The following TRAPPC12 variants were observed in gnomAD, a reference collection of about 807,000 sequenced individuals.
The protein encoded by TRAPPC12 is TPR repeat protein 15.
A neutral mutation model predicts 69.2 loss-of-function variants in TRAPPC12; 61 were observed. The observed-to-expected ratio is 0.88, with a 90% CI of 0.72 to 1.09. TRAPPC12 has a LOEUF of 1.09. Ranked by LOEUF, TRAPPC12 falls within the 50% of genes least tolerant of loss-of-function variation. The pLI is 0.00. For missense variants in TRAPPC12, 1,101 were observed against 1,016.4 expected (o/e 1.08, Z -1.13); for synonymous variants, 469 against 438.9 (o/e 1.07, Z -0.86).
At chr2:3,394,592 G>A (rs892743737) in intron 2 of TRAPPC12, among the ~76,000 whole-genome samples, 21 of 151,644 alleles carry the variant, frequency 1.4e-4, no homozygotes, top group African/African-American at 5.1e-4. Flanking sequence ...TTGCATTCCA[G>A]CCTGCGCAAC....
At position 3,478,910 on chromosome 2, in the gene TRAPPC12, A is replaced by C; in HGVS notation, c.1942A>C (p.Arg648=). 1 of 1,614,188 alleles carries C rather than the reference A, an allele frequency of 6.2e-7. No homozygotes were observed. The highest frequency in any genetic ancestry group is 8.5e-7 in the Non-Finnish European group (1 of 1,180,036). ...EAHRFFTEIL[R]MDPRNAVANN... ...CCACAGGTTCTTCACAGAGATCTTAAGGATGGATCCAAGAAACGCAGTGGT... is the reference window on the plus strand; with the variant it reads ...CCACAGGTTCTTCACAGAGATCTTACGGATGGATCCAAGAAACGCAGTGGT... Residue 648 remains arginine (R), a synonymous_variant, in exon 11 of 12, where the codon AGG becomes CGG. Coordinates refer to ENST00000324266, the MANE Select transcript of TRAPPC12 (RefSeq NM_016030.6).
intron 10 of TRAPPC12, 195 bp downstream of exon 10, chr2:3,477,990 A>G: frequency 4.5e-6 from 2 of 444,472 alleles, no homozygotes; most frequent in Non-Finnish European, 4.1e-6. Context: ...TAGTCACAGA[A>G]GCTGATTTTT....
chr2:3,473,594 C>G (rs1666162202), intron 9 of TRAPPC12, among the ~76,000 whole-genome samples: 1 of 152,174 alleles, frequency 6.6e-6, no homozygotes. Flanking sequence ...ATCCTCCCGC[C>G]TCAGCCTCCC....
intron 9 of TRAPPC12, among the ~76,000 whole-genome samples, chr2:3,468,160 G>T (rs1028107368): frequency 6.6e-6 from 1 of 152,018 alleles, no homozygotes; most frequent in African/African-American, 2.4e-5. Flanking sequence ...TTGACCTCTC[G>T]TGGGCTGTTC....
chr2:3,474,071 G>A (rs891610743), intron 9 of TRAPPC12, among the ~76,000 whole-genome samples: 5 of 152,176 alleles, frequency 3.3e-5, no homozygotes, highest in African/African-American at 1.2e-4. Flanking sequence ...TGGCTTCCGT[G>A]CCACCAAGGT....
intron 9 of TRAPPC12, among the ~76,000 whole-genome samples, chr2:3,475,259 A>ACGGC (rs1666245102): frequency 2.1e-5 from 3 of 142,828 alleles, no homozygotes; most frequent in East Asian, 2.3e-4. Context: ...CCTGGTGCTT[A>ACGGC]CAGCCACACC....
At chr2:3,460,436 G>A (rs752981452) in intron 8 of TRAPPC12, 100 bp downstream of exon 8, 20 of 730,544 alleles carry the variant, frequency 2.7e-5, no homozygotes, top group South Asian at 5.0e-5. Context: ...GGCAGGGACC[G>A]GCCGTGCAGA....
intron 3 of TRAPPC12, among the ~76,000 whole-genome samples, chr2:3,416,989 C>T (rs565088536): frequency 6.6e-5 from 10 of 151,522 alleles, no homozygotes; most frequent in South Asian, 2.1e-4. Context: ...TACCTGCTCC[C>T]GCTCCTCTCA....
chr2:3,387,673 A>T lies in TRAPPC12; in HGVS notation c.50A>T (p.His17Leu). Reference sequence around the variant, plus strand: ...GAGACCCCGGCCCCGGAGGCCCCGCACCCCCCTCAGCTCGCGCCTCCGGAG... The same window carrying T: ...GAGACCCCGGCCCCGGAGGCCCCGCTCCCCCCTCAGCTCGCGCCTCCGGAG... Reference protein sequence around the residue: ...GEETPAPEAPHPPQLAPPEEQ... With the variant: ...GEETPAPEAPLPPQLAPPEEQ... The change falls in exon 2 of 12, where the codon CAC (histidine) becomes CTC (leucine). Residue 17 changes from histidine to leucine, a missense_variant. Coordinates refer to ENST00000324266, the MANE Select transcript of TRAPPC12 (RefSeq NM_016030.6). 1 of 1,555,856 alleles carries T rather than the reference A, an allele frequency of 6.4e-7. No homozygotes were observed. Among genetic ancestry groups the T allele is most frequent in the Non-Finnish European group, 8.7e-7 (1 of 1,149,836 alleles).
chr2:3,425,383 G>A (rs990766457), intron 5 of TRAPPC12, among the ~76,000 whole-genome samples: 2 of 152,170 alleles, frequency 1.3e-5, no homozygotes, highest in Non-Finnish European at 2.9e-5. Context: ...GAAAGCCCAC[G>A]CCCTGTTGTC....
At chr2:3,401,439 C>CTGCT (rs750452436) in intron 2 of TRAPPC12, among the ~76,000 whole-genome samples, 2 of 152,232 alleles carry the variant, frequency 1.3e-5, no homozygotes, top group Non-Finnish European at 2.9e-5. Flanking sequence ...TGAGGCCTCT[C>CTGCT]TGCTGGCTTG....
intron 4 of TRAPPC12, among the ~76,000 whole-genome samples, 162 bp from the exon 5 acceptor site, chr2:3,424,363 T>C (rs1662978564): frequency 1.3e-5 from 2 of 152,220 alleles, no homozygotes; most frequent in South Asian, 2.1e-4. Flanking sequence ...TCAAGAGTAA[T>C]TTTTTAAATA....
chr2:3,395,505 G>A (rs1661077648), intron 2 of TRAPPC12, among the ~76,000 whole-genome samples: 1 of 150,016 alleles, frequency 6.7e-6, no homozygotes, highest in African/African-American at 2.5e-5. Flanking sequence ...TAATTTTGGG[G>A]TGCAGGTATA....
intron 3 of TRAPPC12, among the ~76,000 whole-genome samples, chr2:3,402,190 C>T (rs1661480662): frequency 6.6e-6 from 1 of 152,142 alleles, no homozygotes; most frequent in Non-Finnish European, 1.5e-5. Context: ...GATTTGTGTT[C>T]ATTTTTTAAA....
intron 5 of TRAPPC12, among the ~76,000 whole-genome samples, chr2:3,427,708 T>G (rs982730482): frequency 7.9e-5 from 12 of 152,122 alleles, no homozygotes; most frequent in African/African-American, 2.7e-4. Context: ...CTGGCCAACA[T>G]GGCAAAACCC....
intron 9 of TRAPPC12, chr2:3,472,402 G>C (rs924759223): frequency 9.9e-5 from 15 of 152,238 alleles, no homozygotes; most frequent in Non-Finnish European, 2.2e-4. Flanking sequence ...AAGACATGCA[G>C]GTTCCTGTAC....
intron 1 of TRAPPC12, among the ~76,000 whole-genome samples, chr2:3,383,871 GTTTTTTTTTTTTTTTTTTTTTTTTTT>G (rs34956958): frequency 9.3e-5 from 8 of 85,592 alleles, no homozygotes; most frequent in Admixed American, 3.0e-4. Context: ...GTTCAGTCTT[GTTTTTTTTTTTTTTTTTTTTTTTTTT>G]TTTTTTTTTT....
At chr2:3,427,595 A>C (rs1180222213) in intron 5 of TRAPPC12, among the ~76,000 whole-genome samples, 3 of 152,354 alleles carry the variant, frequency 2.0e-5, no homozygotes, top group Non-Finnish European at 4.4e-5. Context: ...CCAGGTAAAA[A>C]TATCCAGCTT....
At chr2:3,421,145 A>G (rs1662759808) in intron 3 of TRAPPC12, among the ~76,000 whole-genome samples, 1 of 152,192 alleles carries the variant, frequency 6.6e-6, no homozygotes, top group Non-Finnish European at 1.5e-5. Flanking sequence ...GTGAGCATCC[A>G]CTTTTAGCTT....
Sources: gnomAD v4.1 joint callset for allele counts (sites outside exome capture counted in the v4.1 genomes callset) on GRCh38, gnomAD v4.1.1 for gene constraint, MANE v1.5 for transcripts, NCBI Gene and HGNC (gene_info 2026-07-23, HGNC 2026-07-21) for gene names.